PRICKLE4: variants seen among roughly 807,000 people sequenced by gnomAD.
PRICKLE4 encodes prickle planar cell polarity protein 4.
Under a neutral mutation model 43.5 loss-of-function variants are expected in PRICKLE4, and 40 were observed. The observed-to-expected ratio is 0.92, with a 90% CI of 0.71 to 1.20. The LOEUF (loss-of-function observed/expected upper bound fraction) is 1.20. Ranked by LOEUF, PRICKLE4 falls within the 50% of genes most tolerant of loss-of-function variation. The pLI is 0.00. For missense variants in PRICKLE4, 527 were observed against 491.2 expected, an observed-to-expected ratio of 1.07 and a Z score of -0.69; for synonymous variants, 208 against 197.4, an observed-to-expected ratio of 1.05 and a Z score of -0.45.
At chr6:41,781,627 T>TA (rs1772555401) in intron 2 of PRICKLE4, 107 bp downstream of exon 2, 1 of 152,604 alleles carries the variant, frequency 6.6e-6, no homozygotes, top group Non-Finnish European at 1.5e-5. Context: ...TATTAACTGT[T>TA]ACAGTCCAAA....
chr6:41,787,253 G>GC lies in PRICKLE4; in HGVS notation c.*125dup, dbSNP rs996451929. The GC allele has an allele frequency of 1.4e-6, 2 of 1,383,774 alleles. No homozygotes were observed. Among genetic ancestry groups the GC allele is most frequent in the Non-Finnish European group, 1.9e-6 (2 of 1,049,966 alleles). The allele number at this position is 1,383,774 out of a possible 1,614,324, so 85.7% of individuals were successfully genotyped here. A position where few individuals can be genotyped will look rare whatever the true frequency, so the allele number is the denominator to read the frequency against. ...GTCAGGCGCACGCCCGCAAGAGGCGGCGAGGTGACAAGTTTGGAGTGCGCC... is the reference window on the plus strand; with the variant it reads ...GTCAGGCGCACGCCCGCAAGAGGCGGCCGAGGTGACAAGTTTGGAGTGCGCC... On this transcript the variant is annotated 3_prime_UTR_variant, in exon 8 of 8. Coordinates refer to ENST00000458694, the MANE Select transcript of PRICKLE4 (RefSeq NM_013397.6).
chr6:41,786,674 C>G, intron 7 of PRICKLE4, 88 bp from the exon 8 acceptor site: 1 of 1,587,166 alleles, frequency 6.3e-7, no homozygotes, highest in East Asian at 2.3e-5. Flanking sequence ...CTGGGCGGGG[C>G]GGGAGGCTGG....
Position 41,786,280 on chromosome 6 carries a change from C to T in PRICKLE4, c.735C>T (p.Tyr245=). 1 of 1,595,774 alleles carries T rather than the reference C, an allele frequency of 6.3e-7. No individual in the cohort carries two copies. ...PCCPSCFENR[Y]SDAGSSWAGA... Reference sequence around the variant, plus strand: ...GCCCCAGCTGCTTCGAGAACCGCTACTCGGATGCAGGCTCGAGCTGGGCCG... The same window carrying T: ...GCCCCAGCTGCTTCGAGAACCGCTATTCGGATGCAGGCTCGAGCTGGGCCG... Residue 245 remains tyrosine, a synonymous_variant, in exon 7 of 8, where the codon TAC becomes TAT. Coordinates refer to ENST00000458694, the MANE Select transcript of PRICKLE4 (RefSeq NM_013397.6).
chr6:41,783,313 G>C, intron 2 of PRICKLE4, 149 bp from the exon 3 acceptor site: 1 of 796,354 alleles, frequency 1.3e-6, no homozygotes, highest in Non-Finnish European at 1.8e-6. Context: ...CTGATCCTCA[G>C]TTGGGCCATC....
chr6:41,784,904 T>C, intron 4 of PRICKLE4, 31 bp from the exon 5 acceptor site: 1 of 1,611,198 alleles, frequency 6.2e-7, no homozygotes, highest in South Asian at 1.1e-5. Context: ...GCTGGAGCTC[T>C]CCCAGTAATT....
rs1772680893 is a variant in PRICKLE4 at position 41,787,246 on chromosome 6, A to G, written c.*117A>G. 1.4e-6 allele frequency: 2 copies of G among 1,405,376 alleles called. No individual in the cohort carries two copies. Among genetic ancestry groups the G allele is most frequent in the Non-Finnish European group, 1.9e-6 (2 of 1,068,786 alleles). 87.1% of individuals were successfully genotyped at this position (1,405,376 alleles called of 1,614,324 possible). On this transcript the variant is annotated 3_prime_UTR_variant, in exon 8 of 8. Coordinates refer to ENST00000458694, the MANE Select transcript of PRICKLE4 (RefSeq NM_013397.6). ...AGACGCAGTCAGGCGCACGCCCGCA[A>G]GAGGCGGCGAGGTGACAAGTTTGGA...
chr6:41,784,323 G>A (rs1772605063), intron 4 of PRICKLE4, 85 bp downstream of exon 4: 3 of 1,114,530 alleles, frequency 2.7e-6, no homozygotes. Flanking sequence ...CAGTCCAGAA[G>A]TTAGGGGATG....
rs1772551811 is a variant in PRICKLE4 at position 41,781,418 on chromosome 6, G to A, written c.-115G>A. On this transcript the variant is annotated 5_prime_UTR_variant, in exon 2 of 8. Transcript: ENST00000458694. ...ACGCCCCCTCCTTTCTTGCTGCCTG[G>A]AGCAGGGGCAGTGCTGTTAGTGGCT... 6.5e-6 allele frequency: 1 copy of A among 153,356 alleles called. No individual in the cohort carries two copies. The highest frequency in any genetic ancestry group is 6.5e-5 in the Admixed American group (1 of 15,294). The allele number at this position is 153,356 out of a possible 1,614,324, so 9.5% of individuals were successfully genotyped here.
At chr6:41,784,275 T>C (rs1232927024) in intron 4 of PRICKLE4, 37 bp downstream of exon 4, 1 of 1,472,308 alleles carries the variant, frequency 6.8e-7, no homozygotes, top group Non-Finnish European at 9.3e-7. Flanking sequence ...CTCTTGCCTT[T>C]CCCTCCCTCA....
chr6:41,783,498 CCCCA>C lies in PRICKLE4; in HGVS notation c.28_31del (p.His10LysfsTer39), dbSNP rs1447376558. On this transcript the variant is annotated frameshift_variant, in exon 3 of 8. Transcript: ENST00000458694. LOFTEE classifies it high-confidence loss of function. ...AATGTCAGTGCAGAACTCTGGCTGG[CCCCA>C]CCAAGAAGACAGCCCCAAGCCCCAG... is the stretch of plus-strand genomic sequence containing the variant. 6.4e-7 allele frequency: 1 copy of C among 1,550,878 alleles called. No homozygotes were observed. The highest frequency in any genetic ancestry group is 8.9e-7 in the Non-Finnish European group (1 of 1,127,354).
At chr6:41,786,050 G>A in intron 6 of PRICKLE4, 78 bp from the exon 7 acceptor site, 2 of 1,467,324 alleles carry the variant, frequency 1.4e-6, no homozygotes, top group Admixed American at 3.6e-5. Context: ...CGTTAACTGG[G>A]TAAAAGGCGT....
At chr6:41,785,722 C>T (rs1772632116) in intron 6 of PRICKLE4, among the ~76,000 whole-genome samples, 182 bp downstream of exon 6, 2 of 152,204 alleles carry the variant, frequency 1.3e-5, no homozygotes, top group South Asian at 4.1e-4. Context: ...GGACCCAGTG[C>T]CCTTCTCTCT....
chr6:41,783,676 C>A, intron 3 of PRICKLE4, 71 bp downstream of exon 3: 5 of 1,607,944 alleles, frequency 3.1e-6, no homozygotes, highest in Non-Finnish European at 4.3e-6. Context: ...CCTTTTCCAC[C>A]AACCCGGAGG....
rs1260200523 is a variant in PRICKLE4 at position 41,786,652 on chromosome 6, A to ACC, written c.788-109_788-108insCC. 11 of 1,508,636 alleles carry ACC rather than the reference A, an allele frequency of 7.3e-6. No homozygotes were observed. The Admixed American group carries it at 2.3e-4, about 31-fold the overall frequency. 93.5% of individuals were successfully genotyped at this position (1,508,636 alleles called of 1,614,324 possible). On this transcript the variant is annotated intron_variant, in intron 7 of 7. Transcript: ENST00000458694. ...ACTCTCGGCGGCGGCGGCGGCGCGC[A>ACC]CGGCCCAGGGGCTGGGCGGGGCGGG...
At position 41,785,498 on chromosome 6, in the gene PRICKLE4, T is replaced by A; in HGVS notation, c.540T>A (p.His180Gln). Residue 180 changes from histidine (H) to glutamine (Q), a missense_variant, in exon 6 of 8, where the codon CAT (histidine) becomes CAA (glutamine). Transcript: ENST00000458694. ...ATGGACAACTCTACTGCGGCCGTCA[T>A]CATGCAGAGTTGCTGCGCCCGCGCT... ...YHDGQLYCGR[H>Q]HAELLRPRCP... 1 of 1,613,950 alleles carries A rather than the reference T, an allele frequency of 6.2e-7. No individual in the cohort carries two copies. Among genetic ancestry groups the A allele is most frequent in the South Asian group, 1.1e-5 (1 of 91,084 alleles).
Position 41,786,345 on chromosome 6 carries a change from A to G in PRICKLE4, c.787+13A>G. 6.4e-7 allele frequency: 1 copy of G among 1,551,710 alleles called. No homozygotes were observed. The highest frequency in any genetic ancestry group is 8.7e-7 in the Non-Finnish European group (1 of 1,150,494). ...CAGGCATTCCTTGGTAAGGGAGAGG[A>G]TGCAGAGCAAAGCGGGAGGGAGCTT... On this transcript the variant is annotated intron_variant, in intron 7 of 7. Transcript: ENST00000458694.
In PRICKLE4 at chr6:41,784,204, C is replaced by T. The variant is rs372003331; in HGVS notation, c.206C>T (p.Thr69Ile). The T allele has an allele frequency of 6.2e-7, 1 of 1,613,956 alleles. No homozygotes were observed. Among genetic ancestry groups the T allele is most frequent in the Non-Finnish European group, 8.5e-7 (1 of 1,179,900 alleles). The change falls in exon 4 of 8, where the codon ACC becomes ATC. Residue 69 changes from threonine (T) to isoleucine (I), a missense_variant. Transcript: ENST00000458694. ...GCCCCCAACTGGACTGGACTTCAGA[C>T]CCTCCTGCAGCAACTCCCTCCGCAG... ...NQAPNWTGLQ[T>I]LLQQLPPQDI...
At chr6:41,783,387 C>G in intron 2 of PRICKLE4, 75 bp from the exon 3 acceptor site, 1 of 1,368,404 alleles carries the variant, frequency 7.3e-7, no homozygotes, top group Non-Finnish European at 9.9e-7. Flanking sequence ...GAAATAATAT[C>G]TATAAAGCAC....
intron 6 of PRICKLE4, among the ~76,000 whole-genome samples, chr6:41,785,899 C>T (rs1772635490): frequency 6.6e-6 from 1 of 152,184 alleles, no homozygotes; most frequent in Non-Finnish European, 1.5e-5. Context: ...GCCTGGAGCC[C>T]TGGGTTGGGA....
Sources: allele counts gnomAD v4.1 joint callset (sites outside exome capture counted in the v4.1 genomes callset), GRCh38; gene constraint gnomAD v4.1.1; transcripts MANE v1.5; gene names NCBI Gene and HGNC (gene_info 2026-07-23, HGNC 2026-07-21).